Variants in FRMPD4 observed in about 807,000 individuals in gnomAD.
The protein encoded by FRMPD4 is FERM and PDZ domain containing 4.
In FRMPD4, 22 loss-of-function variants were observed where a neutral mutation model predicts 94.1. That is an observed-to-expected ratio of 0.23 (90% CI 0.17 to 0.33). The LOEUF is 0.33. FRMPD4 is among the 10% of genes least tolerant of loss of function. The probability of loss-of-function intolerance (pLI) is 1.00; values close to 1 mark genes in which losing one functional copy is unlikely to be tolerated. For synonymous variants in FRMPD4, 631 were observed against 548.6 expected (o/e 1.15, Z -2.10); for missense variants, 1,111 against 1,339.9 (o/e 0.83, Z 2.67).
At chrX:12,285,242 T>A (rs1329781649) in intron 1 of FRMPD4, among the ~76,000 whole-genome samples, 1 of 111,883 alleles carries the variant, frequency 8.9e-6, no homozygotes, top group Non-Finnish European at 1.9e-5. Flanking sequence ...TTCATGAAGT[T>A]AGAAATCATG....
At chrX:12,337,898 C>G (rs886959493) in intron 1 of FRMPD4, among the ~76,000 whole-genome samples, 3 of 112,304 alleles carry the variant, frequency 2.7e-5, no homozygotes, top group Admixed American at 9.4e-5. Context: ...TAACAAATTA[C>G]CTTAACTTAT....
In FRMPD4 at chrX:12,721,474, C is replaced by T. The variant is rs1602384227; in HGVS notation, c.4905C>T (p.Tyr1635=). Reference sequence around the variant, plus strand: ...GGGAGGAGTCACGCCCTGAAGCGTACGACCTTACACTTTCTCAGTACAAGC... The same window carrying T: ...GGGAGGAGTCACGCCCTGAAGCGTATGACCTTACACTTTCTCAGTACAAGC... The part of the protein sequence containing the change: ...EKREESRPEA[Y]DLTLSQYKQL... Residue 1635 remains tyrosine, a synonymous_variant, in exon 17 of 17, where the codon TAC becomes TAT. Coordinates refer to ENST00000675598, the MANE Select transcript of FRMPD4 (RefSeq NM_001368397.1). The T allele has an allele frequency of 5.3e-6, 4 of 752,939 alleles. No individual in the cohort carries two copies. Among genetic ancestry groups the T allele is most frequent in the Non-Finnish European group, 4.7e-6 (3 of 638,163 alleles). The allele number at this position is 752,939 out of a possible 1,213,427, so 62.1% of individuals were successfully genotyped here. A position where few individuals can be genotyped will look rare whatever the true frequency, so the allele number is the denominator to read the frequency against.
At chrX:12,568,061 G>A (rs1024394300) in intron 2 of FRMPD4, among the ~76,000 whole-genome samples, 6 of 111,129 alleles carry the variant, frequency 5.4e-5, no homozygotes, top group African/African-American at 1.6e-4. Flanking sequence ...AGGCTTCCAG[G>A]GCTCAGTGCT....
intron 1 of FRMPD4, among the ~76,000 whole-genome samples, chrX:12,223,041 A>G (rs766962514): frequency 6.2e-5 from 7 of 112,457 alleles, no homozygotes; most frequent in African/African-American, 9.7e-5. Context: ...TATAGGAATG[A>G]TATGTTTAAT....
chrX:12,382,710 C>A (rs2056342766), intron 1 of FRMPD4, among the ~76,000 whole-genome samples: 1 of 111,629 alleles, frequency 9.0e-6, no homozygotes, highest in South Asian at 3.8e-4. Flanking sequence ...CCCAGCATCC[C>A]CAATTTTAAA....
chrX:12,113,380 A>G (rs973087679), intron 3 of FRMPD4, among the ~76,000 whole-genome samples: 1 of 112,006 alleles, frequency 8.9e-6, no homozygotes, highest in Non-Finnish European at 1.9e-5. Flanking sequence ...TGGAGGTCAG[A>G]TGGCTAAACT....
chrX:12,519,870 A>G (rs894288938), intron 2 of FRMPD4, among the ~76,000 whole-genome samples: 1 of 112,269 alleles, frequency 8.9e-6, no homozygotes, highest in African/African-American at 3.2e-5. Context: ...ACGTTAGGAT[A>G]GCTACTCTCA....
chrX:12,603,765 G>A (rs1367774312), intron 2 of FRMPD4, among the ~76,000 whole-genome samples: 1 of 109,582 alleles, frequency 9.1e-6, no homozygotes, highest in Non-Finnish European at 1.9e-5. Context: ...AAAAAAAAAT[G>A]TTGCTTTTTC....
chrX:12,163,725 C>CT (rs2056065700), intron 1 of FRMPD4, among the ~76,000 whole-genome samples: 1 of 112,327 alleles, frequency 8.9e-6, no homozygotes, highest in Admixed American at 9.4e-5. Flanking sequence ...ATTAATTATG[C>CT]TACTCTTTCC....
In FRMPD4 at chrX:12,472,993, C is replaced by T. The variant is rs188982465; in HGVS notation, c.42-25687C>T. Among the ~76,000 whole-genome samples, 988 of 108,351 alleles carry T rather than the reference C, an allele frequency of 9.1e-3. 9 individuals carry two copies. The highest frequency in any genetic ancestry group is 0.015 in the Non-Finnish European group (790 of 52,604). The allele number at this position is 108,351 out of a possible 115,157, so 94.1% of individuals were successfully genotyped here. ...CAAAGATACTCCTCGAGAAGAGCAA[C>T]TCCAAGACACATAATTGTCAGATTC... On this transcript the variant is annotated intron_variant, in intron 1 of 16. Transcript: ENST00000675598.
At chrX:11,964,437 C>A (rs1256404728) in intron 3 of FRMPD4, among the ~76,000 whole-genome samples, 4 of 110,803 alleles carry the variant, frequency 3.6e-5, no homozygotes, top group Non-Finnish European at 5.7e-5. Context: ...AGCCACCATA[C>A]CCGGCCGGGA....
rs755252489 is a variant in FRMPD4 at position 12,551,755 on chromosome X, A to G, written c.158+52959A>G. 3.6e-5 allele frequency among the ~76,000 whole-genome samples: 4 copies of G among 110,916 alleles called. No individual in the cohort carries two copies. In the South Asian group the frequency reaches 1.5e-3, roughly 42 times the overall value. ...GTTAATTTTTCTTTCTGAGGGGAGA[A>G]TATTTCATTGGTGGTATTGAGTACT... is the stretch of plus-strand genomic sequence containing the variant. On this transcript the variant is annotated intron_variant, in intron 2 of 16. Transcript: ENST00000675598.
chrX:11,830,654 A>G (rs1027168920), intron 1 of FRMPD4, among the ~76,000 whole-genome samples: 1 of 112,227 alleles, frequency 8.9e-6, no homozygotes, highest in Non-Finnish European at 1.9e-5. Context: ...GCTTGTATGC[A>G]GTGGCATCCA....
chrX:11,956,191 T>C (rs1471825959), intron 3 of FRMPD4, among the ~76,000 whole-genome samples: 2 of 112,013 alleles, frequency 1.8e-5, no homozygotes, highest in African/African-American at 3.2e-5. Context: ...TGATCGCTGC[T>C]GTATCCGCCA....
At chrX:11,864,157 T>C (rs1206294597) in intron 1 of FRMPD4, among the ~76,000 whole-genome samples, 1 of 110,514 alleles carries the variant, frequency 9.0e-6, no homozygotes, top group Non-Finnish European at 1.9e-5. Flanking sequence ...TTCCCACAAA[T>C]GCTGTGGACT....
At chrX:12,303,502 G>A (rs1407993958) in intron 1 of FRMPD4, among the ~76,000 whole-genome samples, 1 of 111,763 alleles carries the variant, frequency 8.9e-6, no homozygotes, top group Non-Finnish European at 1.9e-5. Context: ...AGAATATGGA[G>A]CAATTGATAA....
At chrX:12,536,274 G>A (rs920045186) in intron 2 of FRMPD4, among the ~76,000 whole-genome samples, 1 of 108,920 alleles carries the variant, frequency 9.2e-6, no homozygotes, top group African/African-American at 3.3e-5. Flanking sequence ...GCCTGTAAGT[G>A]AACTTTATAT....
At chrX:12,369,144 C>T (rs1374532693) in intron 1 of FRMPD4, among the ~76,000 whole-genome samples, 1 of 110,407 alleles carries the variant, frequency 9.1e-6, no homozygotes, top group Non-Finnish European at 1.9e-5. Flanking sequence ...GGACTCTTTT[C>T]CCTTTCAAGG....
chrX:11,954,712 A>G (rs2054245134), intron 3 of FRMPD4, among the ~76,000 whole-genome samples: 1 of 111,387 alleles, frequency 9.0e-6, no homozygotes, highest in African/African-American at 3.3e-5. Context: ...GGGTCTTGAC[A>G]GAATGTTCTA....
Sources: gnomAD v4.1 joint callset for allele counts (sites outside exome capture counted in the v4.1 genomes callset) on GRCh38, gnomAD v4.1.1 for gene constraint, MANE v1.5 for transcripts, NCBI Gene and HGNC (gene_info 2026-07-23, HGNC 2026-07-21) for gene names.